ARHGAP10: variants seen among roughly 807,000 people sequenced by gnomAD.
The protein encoded by ARHGAP10 is Rho GTPase activating protein 10.
A neutral mutation model predicts 108.6 loss-of-function variants in ARHGAP10; 87 were observed. The observed-to-expected ratio is 0.80, with a 90% CI of 0.67 to 0.96. The LOEUF (loss-of-function observed/expected upper bound fraction) is 0.96, where lower values mean the gene tolerates loss of function less well. Ranked by LOEUF, ARHGAP10 falls within the 40% of genes least tolerant of loss-of-function variation. The probability of loss-of-function intolerance (pLI) is 0.00; values close to 1 mark genes in which losing one functional copy is unlikely to be tolerated. For synonymous variants in ARHGAP10, 347 were observed against 341.1 expected (o/e 1.02, Z -0.19); for missense variants, 939 against 954.5 (o/e 0.98, Z 0.21).
In ARHGAP10 at chr4:147,860,332, C is replaced by G. The variant is rs1353813406; in HGVS notation, c.486+2678C>G. Among the ~76,000 whole-genome samples, 6 of 152,178 alleles carry G rather than the reference C, an allele frequency of 3.9e-5. 1 individual carries two copies. The highest frequency in any genetic ancestry group is 2.9e-5 in the Non-Finnish European group (2 of 68,034). ...TGGCAGGTGCCTGCAGTCCCAGCTACTCAGGAGGCTGAGGCAGGAGAATGG... is the reference window on the plus strand; with the variant it reads ...TGGCAGGTGCCTGCAGTCCCAGCTAGTCAGGAGGCTGAGGCAGGAGAATGG... On this transcript the variant is annotated intron_variant, in intron 5 of 22. Coordinates refer to ENST00000336498, the MANE Select transcript of ARHGAP10 (RefSeq NM_024605.4).
chr4:147,913,920 C>T (rs935667398), intron 13 of ARHGAP10, among the ~76,000 whole-genome samples: 10 of 152,054 alleles, frequency 6.6e-5, no homozygotes, highest in Non-Finnish European at 8.8e-5. Flanking sequence ...TGGGAGGCTG[C>T]GGTGGGCAGA....
intron 22 of ARHGAP10, among the ~76,000 whole-genome samples, chr4:148,064,899 C>G (rs1457409142): frequency 2.0e-5 from 3 of 152,190 alleles, no homozygotes; most frequent in African/African-American, 7.2e-5. Context: ...AACTCTGAGT[C>G]AACAGAGGAT....
intron 19 of ARHGAP10, among the ~76,000 whole-genome samples, chr4:148,026,828 G>A (rs1320487672): frequency 4.6e-5 from 7 of 152,202 alleles, no homozygotes; most frequent in African/African-American, 1.4e-4. Flanking sequence ...GTGCTGAAAA[G>A]ATTAGAAATC....
intron 18 of ARHGAP10, among the ~76,000 whole-genome samples, chr4:147,973,315 T>C (rs752178405): frequency 4.1e-4 from 63 of 152,174 alleles, no homozygotes; most frequent in Admixed American, 7.2e-4. Flanking sequence ...GGTAGGGAGT[T>C]CTTTAGAGGA....
In ARHGAP10 at chr4:147,822,351, A is replaced by G. The variant is rs565047880; in HGVS notation, c.155-376A>G. Among the ~76,000 whole-genome samples the G allele has an allele frequency of 4.6e-5, 7 of 152,332 alleles. No individual in the cohort carries two copies. The South Asian group carries it at 1.2e-3, about 27-fold the overall frequency. On this transcript the variant is annotated intron_variant, in intron 1 of 22. Coordinates refer to ENST00000336498, the MANE Select transcript of ARHGAP10 (RefSeq NM_024605.4). ...GCAGGCAGCCAGATTGCATCAAGCC[A>G]CTATCAGGTGTGTGTGTTCCTAATC...
rs150848127 is a variant in ARHGAP10, at chr4:147,992,328, C to T, written c.1716+25489C>T. On this transcript the variant is annotated intron_variant, in intron 18 of 22. Transcript: ENST00000336498. ...TCAAACTTCCCCCTTCACACTGAGT[C>T]ACACTGACCACCCCTCCCAGATCTG... 8.3e-4 allele frequency among the ~76,000 whole-genome samples: 126 copies of T among 152,326 alleles called. 1 individual carries two copies. Among genetic ancestry groups the T allele is most frequent in the African/African-American group, 2.9e-3 (122 of 41,570 alleles).
chr4:147,782,899 G>T (rs1016735908), intron 1 of ARHGAP10, among the ~76,000 whole-genome samples: 5 of 133,590 alleles, frequency 3.7e-5, no homozygotes, highest in African/African-American at 8.2e-5. Flanking sequence ...CATATATTAC[G>T]TATTATATAT....
At chr4:147,946,542 G>A (rs141969680) in intron 14 of ARHGAP10, 75 bp from the exon 15 acceptor site, 16 of 1,266,108 alleles carry the variant, frequency 1.3e-5, no homozygotes, top group Middle Eastern at 1.9e-4. Context: ...AAAAATGGAA[G>A]CTTTGTGAGC....
At chr4:147,738,556 C>A (rs555025947) in intron 1 of ARHGAP10, among the ~76,000 whole-genome samples, 3 of 151,036 alleles carry the variant, frequency 2.0e-5, no homozygotes, top group Non-Finnish European at 4.4e-5. Flanking sequence ...CTGTCTCCCC[C>A]CCCCAAAAAA....
In ARHGAP10 at chr4:147,851,749, G is replaced by C. The variant is rs887192536; in HGVS notation, c.384+4527G>C. 1.1e-4 allele frequency among the ~76,000 whole-genome samples: 16 copies of C among 152,270 alleles called. No homozygotes were observed. The East Asian group carries it at 3.1e-3, about 29-fold the overall frequency. Reference sequence around the variant, plus strand: ...CAACTAGGAATTACAACACTGGCCAGCCTTCAGGAAGTTAGCAACTTTTTG... The same window carrying C: ...CAACTAGGAATTACAACACTGGCCACCCTTCAGGAAGTTAGCAACTTTTTG... On this transcript the variant is annotated intron_variant, in intron 4 of 22. Coordinates refer to ENST00000336498, the MANE Select transcript of ARHGAP10 (RefSeq NM_024605.4).
chr4:147,765,448 C>G (rs1229001467), intron 1 of ARHGAP10, among the ~76,000 whole-genome samples: 1 of 151,692 alleles, frequency 6.6e-6, no homozygotes, highest in South Asian at 2.1e-4. Context: ...GATTAAAACA[C>G]AAGGTGGGAT....
At chr4:147,768,603 CA>C (rs1729928095) in intron 1 of ARHGAP10, among the ~76,000 whole-genome samples, 1 of 151,946 alleles carries the variant, frequency 6.6e-6, no homozygotes, top group African/African-American at 2.4e-5. Context: ...GTTCATTTTT[CA>C]AAACCATAAT....
At chr4:147,871,373 C>G (rs1002319193) in intron 7 of ARHGAP10, among the ~76,000 whole-genome samples, 2 of 152,090 alleles carry the variant, frequency 1.3e-5, no homozygotes, top group African/African-American at 4.8e-5. Flanking sequence ...TTTTTGCCCC[C>G]CAAGTAGGAC....
intron 18 of ARHGAP10, among the ~76,000 whole-genome samples, chr4:148,000,857 T>G (rs1206541464): frequency 1.3e-5 from 2 of 152,220 alleles, no homozygotes; most frequent in African/African-American, 4.8e-5. Flanking sequence ...TTGCAAAAAT[T>G]TTCTCCCATT....
chr4:147,750,614 T>TG (rs397969316), intron 1 of ARHGAP10, among the ~76,000 whole-genome samples: 34 of 150,344 alleles, frequency 2.3e-4, no homozygotes, highest in East Asian at 5.9e-4. Context: ...TTTTTTTTTT[T>TG]GGGGGGGGTT....
intron 1 of ARHGAP10, among the ~76,000 whole-genome samples, chr4:147,750,743 A>G (rs899392601): frequency 3.3e-5 from 5 of 151,580 alleles, no homozygotes; most frequent in African/African-American, 7.3e-5. Context: ...CTGGGACTAC[A>G]GTCACGCACC....
At chr4:147,994,584 T>A (rs1159606082) in intron 18 of ARHGAP10, among the ~76,000 whole-genome samples, 1 of 152,228 alleles carries the variant, frequency 6.6e-6, no homozygotes, top group African/African-American at 2.4e-5. Context: ...CATCAGAAAC[T>A]CAAAATGTAG....
chr4:147,976,201 G>A (rs1412128559), intron 18 of ARHGAP10, among the ~76,000 whole-genome samples: 1 of 152,154 alleles, frequency 6.6e-6, no homozygotes, highest in Non-Finnish European at 1.5e-5. Flanking sequence ...CAGTCTTACA[G>A]CATGCTTGCC....
chr4:147,952,819 C>T (rs927895345), intron 15 of ARHGAP10, among the ~76,000 whole-genome samples: 1 of 151,844 alleles, frequency 6.6e-6, no homozygotes, highest in Admixed American at 6.6e-5. Flanking sequence ...ATTAAGAAAC[C>T]TTTGCACTTA....
Sources: gnomAD v4.1 joint callset for allele counts (sites outside exome capture counted in the v4.1 genomes callset) on GRCh38, gnomAD v4.1.1 for gene constraint, MANE v1.5 for transcripts, NCBI Gene and HGNC (gene_info 2026-07-23, HGNC 2026-07-21) for gene names.